AVEN: variants seen among roughly 807,000 people sequenced by gnomAD.
AVEN encodes apoptosis and caspase activation inhibitor.
In AVEN, 41 loss-of-function variants were observed where a neutral mutation model predicts 38.1. That is an observed-to-expected ratio of 1.08 (90% CI 0.84 to 1.40). The LOEUF (loss-of-function observed/expected upper bound fraction) is 1.40, where lower values mean the gene tolerates loss of function less well. Among genes scored for constraint, AVEN ranks in the 40% most tolerant of loss-of-function variants. The probability of loss-of-function intolerance (pLI) is 0.00; values close to 1 mark genes in which losing one functional copy is unlikely to be tolerated. For synonymous variants in AVEN, 206 were observed against 171.8 expected (o/e 1.20, Z -1.56); for missense variants, 605 against 438.8 (o/e 1.38, Z -3.38).
intron 2 of AVEN, among the ~76,000 whole-genome samples, chr15:33,947,477 C>T (rs1197594912): frequency 6.6e-6 from 1 of 152,150 alleles, no homozygotes; most frequent in East Asian, 1.9e-4. Flanking sequence ...ATCCAGTCAT[C>T]CCACCATATA....
chr15:33,961,749 C>G (rs1895188985), intron 2 of AVEN, among the ~76,000 whole-genome samples: 3 of 132,308 alleles, frequency 2.3e-5, no homozygotes, highest in Middle Eastern at 4.1e-3. Flanking sequence ...GGAGGCGGAG[C>G]TTGCAGTGAG....
At chr15:33,862,579 T>TTTTTGCTGGGGGATGAG (rs1382730295), downstream of AVEN, among the ~76,000 whole-genome samples, 2 of 152,080 alleles carry the variant, frequency 1.3e-5, no homozygotes. Context: ...AGATAACATG[T>TTTTTGCTGGGGGATGAG]TTTTGCTGGG....
intron 2 of AVEN, among the ~76,000 whole-genome samples, chr15:33,898,805 G>T (rs1438786276): frequency 3.3e-5 from 5 of 152,114 alleles, no homozygotes; most frequent in Non-Finnish European, 1.5e-5. Context: ...CATGACAAAT[G>T]CCACAAAAAG....
chr15:33,898,857 C>G (rs142819811), intron 2 of AVEN, among the ~76,000 whole-genome samples: 2 of 152,102 alleles, frequency 1.3e-5, no homozygotes, highest in African/African-American at 4.8e-5. Context: ...GGGGGATTAA[C>G]AGAGGACTTC....
downstream of AVEN, among the ~76,000 whole-genome samples, chr15:33,862,929 G>GT (rs950487883): frequency 1.7e-4 from 26 of 152,224 alleles, no homozygotes; most frequent in Non-Finnish European, 2.1e-4. Flanking sequence ...AAAAACTTGA[G>GT]TTTTAAAAAG....
At chr15:33,867,339 G>A (rs1171436310) in intron 5 of AVEN, among the ~76,000 whole-genome samples, 156 bp downstream of exon 5, 1 of 152,182 alleles carries the variant, frequency 6.6e-6, no homozygotes, top group African/African-American at 2.4e-5. Flanking sequence ...TCAGCTCAGG[G>A]GGAAGCAGAG....
In AVEN at chr15:33,867,721, A is replaced by G. The variant is rs141686976; in HGVS notation, c.747T>C (p.Ala249=). Residue 249 remains alanine, a synonymous_variant, in exon 5 of 6, where the codon GCT becomes GCC. Coordinates refer to ENST00000306730, the MANE Select transcript of AVEN (RefSeq NM_020371.3). ...CTTTGCCCAGCAACACAGGGCAGCC[A>G]GCAGCCACAGATTTCAGCTCAAAGA... The part of the protein sequence containing the change: ...GPIFELKSVA[A]GCPVLLGKDN... 979 of 1,614,136 alleles carry G rather than the reference A, an allele frequency of 6.1e-4. No homozygotes were observed. The highest frequency in any genetic ancestry group is 7.6e-4 in the Non-Finnish European group (897 of 1,179,990).
chr15:34,019,724 C>T (rs1211381580), intron 1 of AVEN, among the ~76,000 whole-genome samples: 1 of 152,170 alleles, frequency 6.6e-6, no homozygotes, highest in Non-Finnish European at 1.5e-5. Context: ...ACATGCTGTA[C>T]AGGTTTGTAG....
intron 1 of AVEN, among the ~76,000 whole-genome samples, chr15:34,022,093 C>T (rs1898226882): frequency 6.6e-6 from 1 of 152,304 alleles, no homozygotes; most frequent in East Asian, 1.9e-4. Context: ...AAAACCTACT[C>T]CTGCCACACA....
chr15:34,039,429 G>T (rs1899367533), upstream of AVEN, among the ~76,000 whole-genome samples: 1 of 152,044 alleles, frequency 6.6e-6, no homozygotes, highest in Non-Finnish European at 1.5e-5. Context: ...AAGTTTAAAC[G>T]TATGTATTTG....
At chr15:34,028,733 G>T (rs1047780010) in intron 1 of AVEN, among the ~76,000 whole-genome samples, 1 of 152,096 alleles carries the variant, frequency 6.6e-6, no homozygotes, top group African/African-American at 2.4e-5. Context: ...CGAGGAAACT[G>T]AGGCTCAGGA....
chr15:33,878,578 G>C (rs549714166), intron 2 of AVEN, among the ~76,000 whole-genome samples: 163 of 152,134 alleles, frequency 1.1e-3, no homozygotes, highest in African/African-American at 3.7e-3. Flanking sequence ...GGCAAATTTT[G>C]GCTACTGAAA....
At chr15:33,872,320 G>C (rs1037671455) in intron 3 of AVEN, among the ~76,000 whole-genome samples, 1 of 152,112 alleles carries the variant, frequency 6.6e-6, no homozygotes, top group Admixed American at 6.5e-5. Context: ...TCTGTATAAA[G>C]GCACACTCTT....
the AVEN span, among the ~76,000 whole-genome samples, chr15:33,853,275 T>G: frequency 2.6e-5 from 4 of 152,272 alleles, no homozygotes; most frequent in Non-Finnish European, 4.4e-5. Context: ...TATACTCATC[T>G]GCCTTAAACA....
rs1271885825 is a variant in AVEN, at chr15:34,063,543, A to G, written n.1127-111T>C. ...CCAGGCCTCCTGGTCATCCTCCCGC[A>G]GGAGCACCTCCACCACTGGGAAGCC... On this transcript the variant is annotated intron_variant and non_coding_transcript_variant, in intron 4 of 11. Coordinates refer to the AVEN transcript ENST00000675287. The surrounding 1 kb of genome is among the most constrained non-coding windows in gnomAD (Gnocchi z 4.1). 3.7e-6 allele frequency: 6 copies of G among 1,613,514 alleles called. No individual in the cohort carries two copies. The African/African-American group carries it at 8.0e-5, about 22-fold the overall frequency.
intron 2 of AVEN, among the ~76,000 whole-genome samples, chr15:33,980,652 GAA>G (rs1462955179): frequency 1.3e-5 from 2 of 152,126 alleles, no homozygotes. Context: ...GTGACACACA[GAA>G]AAGAGAGGCA....
chr15:33,958,269 G>A (rs1161475639), intron 2 of AVEN, among the ~76,000 whole-genome samples: 1 of 152,026 alleles, frequency 6.6e-6, no homozygotes, highest in Non-Finnish European at 1.5e-5. Flanking sequence ...AATTCACCTA[G>A]ACGCTTGAAT....
chr15:34,016,156 A>T (rs892175485), intron 1 of AVEN, among the ~76,000 whole-genome samples: 3 of 152,136 alleles, frequency 2.0e-5, no homozygotes, highest in Admixed American at 6.6e-5. Context: ...CACGCCTGTA[A>T]TTCCAGCTAC....
chr15:33,920,921 G>A lies in AVEN; in HGVS notation c.446-44926C>T, dbSNP rs183561507. Among the ~76,000 whole-genome samples, 161 of 152,092 alleles carry A rather than the reference G, an allele frequency of 1.1e-3. 1 individual carries two copies. The highest frequency in any genetic ancestry group is 3.8e-3 in the African/African-American group (156 of 41,484). On this transcript the variant is annotated intron_variant, in intron 2 of 5. Transcript: ENST00000306730. Reference sequence around the variant, plus strand: ...CCCCCAAGCAGCTGGGACCACAGGCGCACACCACCACACCCAGCTAATTTG... The same window carrying A: ...CCCCCAAGCAGCTGGGACCACAGGCACACACCACCACACCCAGCTAATTTG...
Sources: gnomAD v4.1 joint callset for allele counts (sites outside exome capture counted in the v4.1 genomes callset) on GRCh38, gnomAD v4.1.1 for gene constraint, Gnocchi (gnomAD v3.1) non-coding constraint, MANE v1.5 for transcripts, NCBI Gene and HGNC (gene_info 2026-07-23, HGNC 2026-07-21) for gene names.